The following TNFRSF21 variants were observed in gnomAD, a reference collection of about 807,000 sequenced individuals.
TNFRSF21 encodes the protein TNF receptor superfamily member 21.
In TNFRSF21, 19 loss-of-function variants were observed where a neutral mutation model predicts 45.6. The ratio of observed to expected loss-of-function variants is 0.42; its 90% CI spans 0.29 to 0.61. The LOEUF (loss-of-function observed/expected upper bound fraction) is 0.61, where lower values mean the gene tolerates loss of function less well. TNFRSF21 is among the 20% of genes least tolerant of loss of function. The probability of loss-of-function intolerance (pLI) is 0.23; values close to 1 mark genes in which losing one functional copy is unlikely to be tolerated. For missense variants in TNFRSF21, 737 were observed against 851.5 expected, an observed-to-expected ratio of 0.87 and a Z score of 1.67; for synonymous variants, 314 against 335.5, an observed-to-expected ratio of 0.94 and a Z score of 0.70.
intron 1 of TNFRSF21, among the ~76,000 whole-genome samples, chr6:47,305,353 T>C (rs377752944): frequency 1.5e-3 from 231 of 152,344 alleles, no homozygotes; most frequent in African/African-American, 5.1e-3. Flanking sequence ...AGAGTATTTT[T>C]TTTTCTCTCA....
At chr6:47,285,668 A>G (rs1176252174) in intron 2 of TNFRSF21, among the ~76,000 whole-genome samples, 1 of 152,238 alleles carries the variant, frequency 6.6e-6, no homozygotes, top group Non-Finnish European at 1.5e-5. Context: ...ACATAAGGTC[A>G]CACGCTGTCC....
At chr6:47,234,973 A>AT (rs945397040) in intron 4 of TNFRSF21, 75 bp from the exon 5 acceptor site, 135 of 868,242 alleles carry the variant, frequency 1.6e-4, no homozygotes, top group South Asian at 4.5e-4. Flanking sequence ...CTCAGAGGCT[A>AT]TTTTTTTTGT....
At chr6:47,249,183 C>T (rs906462392) in intron 4 of TNFRSF21, among the ~76,000 whole-genome samples, 5 of 152,228 alleles carry the variant, frequency 3.3e-5, no homozygotes, top group African/African-American at 9.6e-5. Flanking sequence ...GTGTAAACTT[C>T]TTCCTTCCAT....
chr6:47,297,208 T>G lies in TNFRSF21; in HGVS notation c.97-10613A>C, dbSNP rs187930016. Among the ~76,000 whole-genome samples the G allele has an allele frequency of 4.5e-3, 689 of 152,188 alleles. 3 individuals carry two copies. The highest frequency in any genetic ancestry group is 0.015 in the African/African-American group (643 of 41,530). ...GTGTGCAAGTAGAAAAACACGTTGGTTTTTTTTAATCCTTAATTCTGGGTG... is the reference window on the plus strand; with the variant it reads ...GTGTGCAAGTAGAAAAACACGTTGGGTTTTTTTAATCCTTAATTCTGGGTG... On this transcript the variant is annotated intron_variant, in intron 1 of 5. Transcript: ENST00000296861.
intron 1 of TNFRSF21, among the ~76,000 whole-genome samples, chr6:47,307,263 G>T (rs1057368483): frequency 2.6e-5 from 4 of 152,210 alleles, no homozygotes; most frequent in Non-Finnish European, 4.4e-5. Context: ...ACTTGAGACT[G>T]CTCCTAAGCC....
intron 3 of TNFRSF21, among the ~76,000 whole-genome samples, chr6:47,264,960 A>G (rs536994918): frequency 1.3e-5 from 2 of 152,306 alleles, no homozygotes; most frequent in South Asian, 4.1e-4. Context: ...TCTACTTCCC[A>G]TAGGAAATCT....
intron 1 of TNFRSF21, among the ~76,000 whole-genome samples, chr6:47,288,426 CAACGCTCCGT>C (rs1351631022): frequency 2.6e-5 from 4 of 152,076 alleles, no homozygotes; most frequent in Non-Finnish European, 5.9e-5. Context: ...AGGGTGTTGG[CAACGCTCCGT>C]AACTTGATCT....
intron 1 of TNFRSF21, among the ~76,000 whole-genome samples, chr6:47,288,318 A>G (rs1057066118): frequency 2.4e-4 from 37 of 152,348 alleles, no homozygotes; most frequent in African/African-American, 4.8e-4. Context: ...TATCATTCCA[A>G]CTGCTTGTTT....
chr6:47,258,085 A>T (rs1397807810), intron 3 of TNFRSF21, among the ~76,000 whole-genome samples: 1 of 152,186 alleles, frequency 6.6e-6, no homozygotes, highest in Non-Finnish European at 1.5e-5. Context: ...TTGGTGCAAA[A>T]GTAATCATGG....
intron 1 of TNFRSF21, among the ~76,000 whole-genome samples, chr6:47,299,012 C>A (rs1762831090): frequency 6.6e-6 from 1 of 152,122 alleles, no homozygotes; most frequent in African/African-American, 2.4e-5. Context: ...TAGTTCTTAC[C>A]ACAAATATGA....
intron 4 of TNFRSF21, among the ~76,000 whole-genome samples, chr6:47,244,995 AT>A (rs1764802752): frequency 6.6e-6 from 1 of 152,214 alleles, no homozygotes; most frequent in African/African-American, 2.4e-5. Context: ...AAAAGTGAAA[AT>A]GTGCTCTCCT....
chr6:47,253,994 A>C (rs1764944355), intron 3 of TNFRSF21, among the ~76,000 whole-genome samples: 1 of 152,218 alleles, frequency 6.6e-6, no homozygotes. Flanking sequence ...TTCTTCTTGT[A>C]GATCTTAGCA....
intron 4 of TNFRSF21, among the ~76,000 whole-genome samples, chr6:47,252,738 C>A (rs542533942): frequency 6.6e-6 from 1 of 152,176 alleles, no homozygotes; most frequent in African/African-American, 2.4e-5. Context: ...CAGTTCCCAT[C>A]TGATGTGCTC....
intron 2 of TNFRSF21, 112 bp downstream of exon 2, chr6:47,285,832 G>T: frequency 8.1e-7 from 1 of 1,227,452 alleles, no homozygotes; most frequent in Non-Finnish European, 1.1e-6. Flanking sequence ...TCTCCAAGGG[G>T]TGACTTTGGA....
At chr6:47,277,202 AG>A (rs1762511723) in intron 3 of TNFRSF21, among the ~76,000 whole-genome samples, 1 of 152,240 alleles carries the variant, frequency 6.6e-6, no homozygotes, top group Non-Finnish European at 1.5e-5. Context: ...CAAGTTGGCC[AG>A]GCTGGTCTTG....
Position 47,286,517 on chromosome 6 carries a change from G to A in TNFRSF21, c.175C>T (p.Arg59Cys), listed in dbSNP as rs143678843. Residue 59 changes from arginine (R) to cysteine (C), a missense_variant, in exon 2 of 6, where the codon CGT becomes TGT. Physicochemically the swap from Arg to Cys is radical, Grantham distance 180. Transcript: ENST00000296861. The part of the protein sequence containing the change: ...NLIGTYRHVD[R>C]ATGQVLTCDK... ...CAGGTTAGCACCTGGCCGGTGGCAC[G>A]GTCAACATGGCGGTATGTGCCAATG... 28 of 1,614,012 alleles carry A rather than the reference G, an allele frequency of 1.7e-5. No homozygotes were observed. The highest frequency in any genetic ancestry group is 2.7e-5 in the African/African-American group (2 of 74,912).
chr6:47,308,209 C>G (rs1762966856), intron 1 of TNFRSF21, among the ~76,000 whole-genome samples: 2 of 152,336 alleles, frequency 1.3e-5, no homozygotes, highest in Admixed American at 6.5e-5. Context: ...AACACACACA[C>G]AAGGAACCAG....
chr6:47,244,937 TG>T (rs1172474908), intron 4 of TNFRSF21, among the ~76,000 whole-genome samples: 1 of 152,222 alleles, frequency 6.6e-6, no homozygotes, highest in Admixed American at 6.5e-5. Context: ...AGGCCAAAGC[TG>T]GAAGCTATTC....
chr6:47,236,816 A>G (rs1200222472), intron 4 of TNFRSF21, among the ~76,000 whole-genome samples: 1 of 152,256 alleles, frequency 6.6e-6, no homozygotes, highest in Non-Finnish European at 1.5e-5. Flanking sequence ...ACACTTGTCT[A>G]CATCCTGGTT....
Sources: gnomAD v4.1 joint callset for allele counts (sites outside exome capture counted in the v4.1 genomes callset) on GRCh38, gnomAD v4.1.1 for gene constraint, MANE v1.5 for transcripts, NCBI Gene and HGNC (gene_info 2026-07-23, HGNC 2026-07-21) for gene names.